Variants in KRT86 observed in about 807,000 individuals in gnomAD.
KRT86 encodes keratin 86.
Under a neutral mutation model 41.2 loss-of-function variants are expected in KRT86, and 30 were observed. The ratio of observed to expected loss-of-function variants is 0.73; its 90% confidence interval spans 0.54 to 0.99. KRT86 has a LOEUF of 0.99. Among genes scored for constraint, KRT86 ranks in the 50% least tolerant of loss-of-function variants. The probability of loss-of-function intolerance (pLI) is 0.00; values close to 1 mark genes in which losing one functional copy is unlikely to be tolerated. For missense variants in KRT86, 561 were observed against 571.4 expected, an observed-to-expected ratio of 0.98 and a Z score of 0.19; for synonymous variants, 238 against 238.1, an observed-to-expected ratio of 1.00 and a Z score of 0.00.
chr12:52,299,921 T>C (rs1658567393), intron 2 of KRT86, among the ~76,000 whole-genome samples: 1 of 152,232 alleles, frequency 6.6e-6, no homozygotes, highest in Non-Finnish European at 1.5e-5. Flanking sequence ...TTGTTTCCTT[T>C]GGTGTGCAGA....
At chr12:52,281,888 G>T (rs1439983348) in intron 2 of KRT86, among the ~76,000 whole-genome samples, 1 of 152,038 alleles carries the variant, frequency 6.6e-6, no homozygotes, top group African/African-American at 2.4e-5. Flanking sequence ...ACAGGCACAT[G>T]CCTCCACGCT....
intron 2 of KRT86, 25 bp from the exon 3 acceptor site, chr12:52,301,888 A>G: frequency 6.2e-7 from 1 of 1,613,808 alleles, no homozygotes; most frequent in Non-Finnish European, 8.5e-7. Context: ...CTCCATCCTC[A>G]GAACCTCCTC....
chr12:52,281,987 T>A (rs1937783323), intron 2 of KRT86, among the ~76,000 whole-genome samples: 1 of 152,080 alleles, frequency 6.6e-6, no homozygotes, highest in African/African-American at 2.4e-5. Context: ...GCAATCCTCC[T>A]GCCTCAGCCT....
At chr12:52,303,662 T>G (rs1938435142) in intron 4 of KRT86, among the ~76,000 whole-genome samples, 2 of 147,714 alleles carry the variant, frequency 1.4e-5, no homozygotes, top group African/African-American at 2.5e-5. Flanking sequence ...GGGTCTCTCA[T>G]GAGTGACAGG....
intron 2 of KRT86, 154 bp from the exon 3 acceptor site, chr12:52,301,758 TA>T: frequency 6.8e-7 from 1 of 1,478,626 alleles, no homozygotes; most frequent in Non-Finnish European, 9.3e-7. Context: ...CCCAAGCCCA[TA>T]AAGCCTTCTA....
In KRT86 at chr12:52,280,968, G is replaced by A. The variant is rs542233156; in HGVS notation, c.-5+5022G>A. 9.2e-5 allele frequency among the ~76,000 whole-genome samples: 14 copies of A among 152,264 alleles called. No individual in the cohort carries two copies. In the East Asian group the frequency reaches 2.1e-3, roughly 23 times the overall value. On this transcript the variant is annotated intron_variant, in intron 2 of 10. Coordinates refer to ENST00000423955, the MANE Select transcript of KRT86 (RefSeq NM_001320198.2). ...CTCACATTTTCCCTTTTCAAATACC[G>A]AACCTGGACTTGCCTGATGTCAATC...
At chr12:52,288,026 G>T (rs777470536) in intron 2 of KRT86, 3 of 1,614,104 alleles carry the variant, frequency 1.9e-6, no homozygotes, top group Admixed American at 3.3e-5. Context: ...GGCTGCGGGT[G>T]ACAATGTCGT....
Position 52,308,854 on chromosome 12 carries a change from C to CCG in KRT86, c.*269_*270insCG. On this transcript the variant is annotated 3_prime_UTR_variant, in exon 11 of 11. Transcript: ENST00000423955. ...TTCATCTTTTTCTTCCGCCTGCCTT[C>CCG]TGTTTTTTTTGCTGTATACATTGGT... 2.1e-6 allele frequency: 1 copy of CCG among 475,550 alleles called. No homozygotes were observed. Among genetic ancestry groups the CCG allele is most frequent in the Non-Finnish European group, 3.7e-6 (1 of 272,526 alleles). The allele number at this position is 475,550 out of a possible 1,614,324, so 29.5% of individuals were successfully genotyped here.
At position 52,308,909 on chromosome 12, in the gene KRT86, G is replaced by A. The variant is rs1244102018; in HGVS notation, c.*324G>A. ...CCTGAGCTCTTCCCCAAAGCTTGGA[G>A]GAACGGGGGAGGCCCGGGAATGTCC... On this transcript the variant is annotated 3_prime_UTR_variant, in exon 11 of 11. Transcript: ENST00000423955. 6 of 373,016 alleles carry A rather than the reference G, an allele frequency of 1.6e-5. No individual in the cohort carries two copies. In the Admixed American group the frequency reaches 2.1e-4, roughly 13 times the overall value. The allele number at this position is 373,016 out of a possible 1,614,324, so 23.1% of individuals were successfully genotyped here.
At chr12:52,292,641 T>C (rs1281900009) in intron 2 of KRT86, among the ~76,000 whole-genome samples, 2 of 151,804 alleles carry the variant, frequency 1.3e-5, no homozygotes, top group African/African-American at 4.8e-5. Context: ...TATTAGACAG[T>C]GCATATAAAG....
At chr12:52,288,194 C>T (rs1198665168) in intron 2 of KRT86, 17 of 1,596,032 alleles carry the variant, frequency 1.1e-5, no homozygotes, top group East Asian at 2.2e-5. Flanking sequence ...TACAGCCCCA[C>T]CCACCATGTC....
intron 2 of KRT86, among the ~76,000 whole-genome samples, chr12:52,297,137 C>T (rs1057041961): frequency 2.6e-5 from 4 of 152,208 alleles, no homozygotes; most frequent in Admixed American, 6.5e-5. Context: ...CTGTCCTGCC[C>T]GCCTTTTGCC....
intron 2 of KRT86, chr12:52,287,350 A>G: frequency 1.2e-6 from 2 of 1,613,394 alleles, no homozygotes; most frequent in East Asian, 4.5e-5. Flanking sequence ...AACAAGGTAG[A>G]TTAGAGTCCC....
Position 52,302,247 on chromosome 12 carries a change from A to G in KRT86, c.331A>G (p.Lys111Glu). ...CVKQEEKEQI[K>E]SLNSRFAAFI... ...GAAGCAGGAGGAGAAGGAGCAGATC[A>G]AGTCCCTCAACAGCAGGTTCGCGGC... is the stretch of plus-strand genomic sequence containing the variant. The change falls in exon 3 of 11, where the codon AAG becomes GAG. Residue 111 changes from lysine (K) to glutamate (E), a missense_variant. By Grantham distance (56) the Lys-to-Glu change is moderately conservative (BLOSUM62 1). This residue lies in a region of KRT86 where 164 missense variants were observed against 172.5 expected (regional missense o/e 0.95). Coordinates refer to ENST00000423955, the MANE Select transcript of KRT86 (RefSeq NM_001320198.2). 1 of 984,308 alleles carries G rather than the reference A, an allele frequency of 1.0e-6. No individual in the cohort carries two copies. Among genetic ancestry groups the G allele is most frequent in the Non-Finnish European group, 1.4e-6 (1 of 696,408 alleles). The allele number at this position is 984,308 out of a possible 1,614,324, so 61.0% of individuals were successfully genotyped here.
chr12:52,295,035 G>T lies in KRT86; in HGVS notation c.-4-6878G>T, dbSNP rs1176617259. Among the ~76,000 whole-genome samples the T allele has an allele frequency of 2.0e-5, 3 of 152,160 alleles. No individual in the cohort carries two copies. In the East Asian group the frequency reaches 5.8e-4, roughly 29 times the overall value. On this transcript the variant is annotated intron_variant, in intron 2 of 10. Transcript: ENST00000423955. The stretch of plus-strand genomic sequence containing the variant: ...CTCGATAGCCACAAGGTTGTTTCCA[G>T]AGTTCTGTAGATTGAACAGAGCTGC...
At position 52,302,124 on chromosome 12, in the gene KRT86, G is replaced by A. The variant is rs1938400278; in HGVS notation, c.208G>A (p.Val70Met). ...CAGCTTCGGCTACCGCTCCGGGGGC[G>A]TGTGCGGGCCCAGTCCCCCATGCAT... ...GRSFGYRSGG[V>M]CGPSPPCITT... The change falls in exon 3 of 11, where the codon GTG becomes ATG. Residue 70 changes from valine to methionine, a missense_variant. By Grantham distance (21) the Val-to-Met change is conservative (BLOSUM62 1). This residue lies in a region of KRT86 where 164 missense variants were observed against 172.5 expected (regional missense o/e 0.95). Coordinates refer to ENST00000423955, the MANE Select transcript of KRT86 (RefSeq NM_001320198.2). 4.5e-6 allele frequency: 7 copies of A among 1,541,148 alleles called. No individual in the cohort carries two copies. The highest frequency in any genetic ancestry group is 3.5e-5 in the South Asian group (3 of 85,322).
At chr12:52,276,890 A>T (rs938643853) in intron 2 of KRT86, among the ~76,000 whole-genome samples, 4 of 152,280 alleles carry the variant, frequency 2.6e-5, no homozygotes, top group South Asian at 4.2e-4. Context: ...CTTTCTGCAG[A>T]TGCAAGTGTC....
At chr12:52,298,003 T>C (rs1026100625) in intron 2 of KRT86, among the ~76,000 whole-genome samples, 1 of 152,258 alleles carries the variant, frequency 6.6e-6, no homozygotes, top group Non-Finnish European at 1.5e-5. Flanking sequence ...TGCCATCATT[T>C]AATTTATGAC....
intron 9 of KRT86, among the ~76,000 whole-genome samples, chr12:52,307,684 C>G (rs1166753629): frequency 6.6e-6 from 1 of 152,150 alleles, no homozygotes; most frequent in Non-Finnish European, 1.5e-5. Flanking sequence ...TTCTAAAATC[C>G]CATTTGTTTA....
Sources: allele counts gnomAD v4.1 joint callset (sites outside exome capture counted in the v4.1 genomes callset), GRCh38; gene constraint gnomAD v4.1.1; regional missense constraint gnomAD v4.1.1; transcripts MANE v1.5; gene names NCBI Gene and HGNC (gene_info 2026-07-23, HGNC 2026-07-21).